Variants in CDH17 observed in about 807,000 individuals in gnomAD.
CDH17 encodes the protein cadherin-17.
CDH17 carries 67 observed loss-of-function variants against 86.3 expected under a neutral mutation model. The observed-to-expected ratio is 0.78, with a 90% confidence interval of 0.64 to 0.95. The LOEUF is 0.95. CDH17 is among the 40% of genes least tolerant of loss of function. The pLI is 0.00. For missense variants in CDH17, 993 were observed against 1,017.6 expected (o/e 0.98, Z 0.33); for synonymous variants, 367 against 366.4 (o/e 1.00, Z -0.02).
In CDH17 at chr8:94,127,801, A is replaced by G. The variant is rs1190477875; in HGVS notation, c.*439T>C. On this transcript the variant is annotated 3_prime_UTR_variant, in exon 18 of 18. Transcript: ENST00000027335. ...AAAATGAAAAATCTCTCTAATGTCT[A>G]TAGCACATGAAATATCTAAGTAGGT... The G allele has an allele frequency of 6.2e-6, 1 of 161,852 alleles. No individual in the cohort carries two copies. Among genetic ancestry groups the G allele is most frequent in the Non-Finnish European group, 1.3e-5 (1 of 74,170 alleles). 10.0% of individuals were successfully genotyped at this position (161,852 alleles called of 1,614,324 possible). A position where few individuals can be genotyped will look rare whatever the true frequency, so the allele number is the denominator to read the frequency against.
chr8:94,139,754 G>C (rs969483337), intron 15 of CDH17, among the ~76,000 whole-genome samples: 4 of 151,844 alleles, frequency 2.6e-5, no homozygotes, highest in African/African-American at 9.7e-5. Flanking sequence ...AATACAAAAA[G>C]TAGCTGGGCA....
chr8:94,145,454 G>A (rs965414650), intron 15 of CDH17, among the ~76,000 whole-genome samples: 7 of 152,194 alleles, frequency 4.6e-5, no homozygotes, highest in African/African-American at 9.6e-5. Context: ...TTCAATGGTT[G>A]CCTGGGGAGA....
chr8:94,153,816 A>T (rs116657978), intron 12 of CDH17, among the ~76,000 whole-genome samples: 1,549 of 152,246 alleles, frequency 0.01, 23 homozygotes, highest in African/African-American at 0.033. Context: ...CAAATACCAC[A>T]TGTTCTCACT....
chr8:94,173,824 A>T lies in CDH17; in HGVS notation c.756T>A (p.Thr252=), dbSNP rs1046684231. Residue 252 remains threonine (T), a synonymous_variant, in exon 7 of 18, where the codon ACT becomes ACA. Transcript: ENST00000027335. The part of the protein sequence containing the change: ...PKPVEMVENS[T]DPHPIKITQV... ...GAGTGATTTTGATGGGGTGAGGATC[A>T]GTTGAGTTTTCCACCATCTCCACAG... 3.1e-6 allele frequency: 5 copies of T among 1,613,728 alleles called. No individual in the cohort carries two copies. The East Asian group carries it at 1.1e-4, about 36-fold the overall frequency.
chr8:94,178,611 T>G (rs1813418893), intron 3 of CDH17, among the ~76,000 whole-genome samples: 1 of 152,080 alleles, frequency 6.6e-6, no homozygotes, highest in Non-Finnish European at 1.5e-5. Context: ...CACATGAACT[T>G]GACAGAATAT....
chr8:94,193,778 G>A (rs577269936), intron 2 of CDH17, among the ~76,000 whole-genome samples: 10 of 152,214 alleles, frequency 6.6e-5, no homozygotes, highest in African/African-American at 7.2e-5. Context: ...GATTTCCCCC[G>A]GGAGGAAGGC....
At chr8:94,155,035 G>C (rs1812920085) in intron 12 of CDH17, among the ~76,000 whole-genome samples, 1 of 152,038 alleles carries the variant, frequency 6.6e-6, no homozygotes, top group Non-Finnish European at 1.5e-5. Context: ...CACGTAGAAG[G>C]GTGGGAACTG....
chr8:94,152,911 A>T (rs1431219490), intron 12 of CDH17, among the ~76,000 whole-genome samples: 3 of 152,030 alleles, frequency 2.0e-5, no homozygotes, highest in Non-Finnish European at 4.4e-5. Context: ...CAAGTGACCC[A>T]CCCACCTCAG....
At chr8:94,160,427 A>T (rs902654530) in intron 11 of CDH17, among the ~76,000 whole-genome samples, 3 of 152,292 alleles carry the variant, frequency 2.0e-5, no homozygotes, top group Middle Eastern at 3.4e-3. Context: ...CCCATATCCA[A>T]TTTGTTTAAT....
intron 15 of CDH17, among the ~76,000 whole-genome samples, chr8:94,144,425 A>G (rs1812699470): frequency 6.6e-6 from 1 of 152,208 alleles, no homozygotes; most frequent in South Asian, 2.1e-4. Context: ...AAATGGCACC[A>G]AGAGACTTTG....
At chr8:94,205,319 G>A (rs1814004744) in intron 1 of CDH17, among the ~76,000 whole-genome samples, 1 of 152,018 alleles carries the variant, frequency 6.6e-6, no homozygotes, top group African/African-American at 2.4e-5. Context: ...ATTTCTTTAT[G>A]TAATATAAAG....
chr8:94,148,948 A>G (rs1812806152), intron 13 of CDH17, 74 bp from the exon 14 acceptor site: 4 of 1,329,920 alleles, frequency 3.0e-6, no homozygotes, highest in Non-Finnish European at 4.1e-6. Context: ...TTGTGCGTCA[A>G]CTAAATATGT....
Position 94,194,681 on chromosome 8 carries a change from A to G in CDH17, c.5T>C (p.Ile2Thr), listed in dbSNP as rs1813747720. Residue 2 changes from isoleucine to threonine, a missense_variant, in exon 2 of 18, where the codon ATA becomes ACA. Transcript: ENST00000027335. ...CAGGGAGTGAAGATGGGCCTGAAGT[A>G]TCATAGTTTTCTTTATTCAAATTCC... M[I>T]LQAHLHSLCL... 6.2e-7 allele frequency: 1 copy of G among 1,603,166 alleles called. No individual in the cohort carries two copies. The highest frequency in any genetic ancestry group is 2.2e-5 in the East Asian group (1 of 44,746).
intron 3 of CDH17, among the ~76,000 whole-genome samples, chr8:94,184,920 C>A (rs1813549293): frequency 6.6e-5 from 10 of 152,140 alleles, no homozygotes; most frequent in Admixed American, 5.9e-4. Context: ...AATGAGTGTT[C>A]TTCATGCCTC....
chr8:94,160,618 A>C (rs1228679750), intron 11 of CDH17, among the ~76,000 whole-genome samples: 2 of 152,206 alleles, frequency 1.3e-5, no homozygotes, highest in African/African-American at 2.4e-5. Context: ...CTTGCTTCTT[A>C]TTAGTTGAGT....
chr8:94,181,072 A>T lies in CDH17; in HGVS notation c.151-3351T>A, dbSNP rs115332225. Among the ~76,000 whole-genome samples, 669 of 152,280 alleles carry T rather than the reference A, an allele frequency of 4.4e-3. 4 individuals carry two copies. The highest frequency in any genetic ancestry group is 0.015 in the African/African-American group (627 of 41,570). On this transcript the variant is annotated intron_variant, in intron 3 of 17. Coordinates refer to ENST00000027335, the MANE Select transcript of CDH17 (RefSeq NM_004063.4). ...ACTACTATCAGACAAAACAGACTTT[A>T]AAACAAAATTTTCAGAGACAAAATG...
At chr8:94,216,563 G>GTTTTT (rs368207788) in intron 1 of CDH17, among the ~76,000 whole-genome samples, 1 of 142,022 alleles carries the variant, frequency 7.0e-6, no homozygotes, top group East Asian at 2.1e-4. Flanking sequence ...CAGAGGGTTT[G>GTTTTT]TTTTTTTTTT....
At chr8:94,213,120 G>A (rs1229645803), upstream of CDH17, among the ~76,000 whole-genome samples, 2 of 152,194 alleles carry the variant, frequency 1.3e-5, no homozygotes, top group Non-Finnish European at 2.9e-5. Context: ...AGGACTACAG[G>A]CAAGTGCCAC....
At chr8:94,135,523 ATCCT>A (rs1812506434) in intron 15 of CDH17, among the ~76,000 whole-genome samples, 1 of 151,936 alleles carries the variant, frequency 6.6e-6, no homozygotes, top group Admixed American at 6.6e-5. Context: ...ATCTTCCTCC[ATCCT>A]TTTATTTTGA....
Sources: allele counts gnomAD v4.1 joint callset (sites outside exome capture counted in the v4.1 genomes callset), GRCh38; gene constraint gnomAD v4.1.1; transcripts MANE v1.5; gene names NCBI Gene and HGNC (gene_info 2026-07-23, HGNC 2026-07-21).